CDH3: variants seen among roughly 807,000 people sequenced by gnomAD.
The protein encoded by CDH3 is cadherin 3.
A neutral mutation model predicts 82.0 loss-of-function variants in CDH3; 54 were observed. That is an observed-to-expected ratio of 0.66 (90% CI 0.53 to 0.83). The LOEUF is 0.83. Ranked by LOEUF, CDH3 falls within the 40% of genes least tolerant of loss-of-function variation. The pLI is 0.00. For synonymous variants in CDH3, 446 were observed against 437.9 expected (o/e 1.02, Z -0.23); for missense variants, 1,054 against 1,084.6 (o/e 0.97, Z 0.40).
At position 68,682,392 on chromosome 16, in the gene CDH3, C is replaced by T. The variant is rs74026937; in HGVS notation, c.1087C>T (p.Arg363Cys). The change falls in exon 9 of 16, where the codon CGT becomes TGT. Residue 363 changes from arginine (R) to cysteine (C), a missense_variant. By Grantham distance (180) the Arg-to-Cys change is radical. Coordinates refer to ENST00000264012, the MANE Select transcript of CDH3 (RefSeq NM_001793.6). ...GGACGCCCCCAACTCACCAGCGTGGCGTGCCACCTACCTTATCATGGGCGG... is the reference window on the plus strand; with the variant it reads ...GGACGCCCCCAACTCACCAGCGTGGTGTGCCACCTACCTTATCATGGGCGG... ...DLDAPNSPAW[R>C]ATYLIMGGDD... 4.3e-4 allele frequency: 697 copies of T among 1,614,056 alleles called. 3 individuals are homozygous for T. In the African/African-American group the frequency reaches 7.0e-3, roughly 16 times the overall value.
intron 8 of CDH3, 142 bp downstream of exon 8, chr16:68,681,238 C>A (rs2152101227): frequency 2.5e-6 from 2 of 811,410 alleles, no homozygotes; most frequent in Non-Finnish European, 4.2e-6. Context: ...AACTACCTAA[C>A]CTCTCTGTGC....
At chr16:68,648,466 A>G (rs1413151170) in intron 2 of CDH3, among the ~76,000 whole-genome samples, 1 of 140,604 alleles carries the variant, frequency 7.1e-6, no homozygotes, top group African/African-American at 2.7e-5. Context: ...TTTTTTTTTG[A>G]GATAGGGTAT....
chr16:68,682,941 G>A (rs778724041), intron 9 of CDH3, among the ~76,000 whole-genome samples: 2 of 152,108 alleles, frequency 1.3e-5, no homozygotes, highest in Admixed American at 6.6e-5. Flanking sequence ...GGTATAGGAC[G>A]TGGGTTGGGT....
chr16:68,698,577 G>C lies in CDH3; in HGVS notation c.*177G>C, dbSNP rs535207834. 1 of 621,014 alleles carries C rather than the reference G, an allele frequency of 1.6e-6. No individual in the cohort carries two copies. Among genetic ancestry groups the C allele is most frequent in the African/African-American group, 1.8e-5 (1 of 54,482 alleles). The allele number at this position is 621,014 out of a possible 1,614,324, so 38.5% of individuals were successfully genotyped here. ...GTGGCTTCCTTAGCCTTTCAGGATGGAGGAATGTGGGCAGTTTGACTTCAG... is the reference window on the plus strand; with the variant it reads ...GTGGCTTCCTTAGCCTTTCAGGATGCAGGAATGTGGGCAGTTTGACTTCAG... On this transcript the variant is annotated 3_prime_UTR_variant, in exon 16 of 16. Transcript: ENST00000264012.
rs2296409 is a variant in CDH3, at chr16:68,679,827, G to A, written c.720G>A (p.Thr240=). 0.62 allele frequency: 992,145 copies of A among 1,610,936 alleles called. 307,296 individuals carry two copies. Among genetic ancestry groups the A allele is most frequent in the African/African-American group, 0.67 (50,228 of 74,768 alleles). Residue 240 remains threonine (T), a synonymous_variant, in exon 7 of 16, where the codon ACG becomes ACA. Coordinates refer to ENST00000264012, the MANE Select transcript of CDH3 (RefSeq NM_001793.6). ...CTTCTGTGATGCAGGTGACAGCCAC[G>A]GATGAGGATGATGCCATCTACACCT... ...PGTSVMQVTA[T]DEDDAIYTYN...
intron 2 of CDH3, among the ~76,000 whole-genome samples, chr16:68,646,398 C>T (rs1484917204): frequency 1.3e-5 from 2 of 152,072 alleles, no homozygotes; most frequent in African/African-American, 4.8e-5. Context: ...TGCTAGGTCA[C>T]TGGGGGGAGT....
At position 68,685,326 on chromosome 16, in the gene CDH3, G is replaced by A; in HGVS notation, c.1546G>A (p.Val516Ile). 1.9e-6 allele frequency: 3 copies of A among 1,614,128 alleles called. No individual in the cohort carries two copies. The highest frequency in any genetic ancestry group is 2.5e-6 in the Non-Finnish European group (3 of 1,180,036). The change falls in exon 11 of 16, where the codon GTC (valine) becomes ATC (isoleucine). Residue 516 changes from valine to isoleucine, a missense_variant. Coordinates refer to ENST00000264012, the MANE Select transcript of CDH3 (RefSeq NM_001793.6). ...EQFVRNNIYE[V>I]MVLAMDNGSP... ...GTTTGTGAGGAACAACATCTATGAA[G>A]TCATGGTCTTGGCCATGGACAATGG...
In CDH3 at chr16:68,707,231, C is replaced by T. The variant is rs761418313; in HGVS notation, c.99+11308C>T. Among the ~76,000 whole-genome samples, 1 of 152,110 alleles carries T rather than the reference C, an allele frequency of 6.6e-6. No homozygotes were observed. The highest frequency in any genetic ancestry group is 2.4e-5 in the African/African-American group (1 of 41,428). On this transcript the variant is annotated intron_variant, in intron 1 of 2. Coordinates refer to the CDH3 transcript ENST00000569080. The surrounding 1 kb of genome is among the most constrained non-coding windows in gnomAD (Gnocchi z 4.5). ...GGCCAGTGTGGCTGGAGCAGAGGGA[C>T]GGGTTGAGATGGGTCGAGAGTGTGT...
chr16:68,710,433 G>A (rs929781743), intron 1 of CDH3, among the ~76,000 whole-genome samples: 5 of 152,226 alleles, frequency 3.3e-5, no homozygotes, highest in Non-Finnish European at 5.9e-5. Flanking sequence ...ATTTGTGGTT[G>A]TTACCACTGG....
At chr16:68,701,912 T>C (rs774933702), downstream of CDH3, among the ~76,000 whole-genome samples, 23 of 151,312 alleles carry the variant, frequency 1.5e-4, no homozygotes, top group Non-Finnish European at 2.8e-4. Flanking sequence ...TAGTCCCCGC[T>C]ACTTGGGAGG....
chr16:68,679,002 G>A, intron 6 of CDH3, 96 bp downstream of exon 6: 2 of 1,273,390 alleles, frequency 1.6e-6, no homozygotes, highest in Non-Finnish European at 1.1e-6. Flanking sequence ...CTGTGTATCA[G>A]ATTACTTGGG....
chr16:68,692,041 T>A (rs1597817898), intron 13 of CDH3, 115 bp downstream of exon 13: 2 of 760,032 alleles, frequency 2.6e-6, no homozygotes, highest in East Asian at 2.7e-5. Flanking sequence ...GTCCACTCCT[T>A]AAACATTTTT....
chr16:68,700,342 C>T (rs899113105), downstream of CDH3: 1 of 152,220 alleles, frequency 6.6e-6, no homozygotes, highest in Non-Finnish European at 1.5e-5. Flanking sequence ...GACCCTGAAC[C>T]GGAGTTATCG....
intron 2 of CDH3, among the ~76,000 whole-genome samples, chr16:68,723,908 A>G (rs926908764): frequency 3.9e-5 from 6 of 152,114 alleles, no homozygotes; most frequent in African/African-American, 1.4e-4. Context: ...TCTCTACTAA[A>G]AATACAAAAA....
chr16:68,678,618 AAT>A lies in CDH3; in HGVS notation c.510_511del (p.Asn170LysfsTer12). ...GAAGGAGACAGGCTGGTTGTTGTTG[AAT>A]AAGCCACTGGACCGGGAGGAGATTG... ...VEKETGWLLL[N>X]KPLDREEIAK... On this transcript the variant is annotated frameshift_variant, in exon 5 of 16. Transcript: ENST00000264012. LOFTEE classifies it high-confidence loss of function. The A allele has an allele frequency of 6.2e-7, 1 of 1,614,246 alleles. No homozygotes were observed. The highest frequency in any genetic ancestry group is 8.5e-7 in the Non-Finnish European group (1 of 1,180,046).
chr16:68,657,757 G>A (rs1960444524), intron 2 of CDH3, among the ~76,000 whole-genome samples: 1 of 152,180 alleles, frequency 6.6e-6, no homozygotes. Flanking sequence ...GATGGGGAAT[G>A]GGGAGGTATA....
chr16:68,674,531 G>A (rs1476200893), intron 2 of CDH3, among the ~76,000 whole-genome samples: 1 of 152,156 alleles, frequency 6.6e-6, no homozygotes. Context: ...CCAGGAGTTC[G>A]AGACCAGCTG....
chr16:68,680,831 G>A, intron 7 of CDH3, 137 bp from the exon 8 acceptor site: 1 of 913,388 alleles, frequency 1.1e-6, no homozygotes, highest in Non-Finnish European at 1.8e-6. Flanking sequence ...GGTGAGGGGT[G>A]GTCAAGGAGT....
In CDH3 at chr16:68,698,409, C is replaced by T. The variant is rs1308886373; in HGVS notation, c.*9C>T. 1 of 1,612,736 alleles carries T rather than the reference C, an allele frequency of 6.2e-7. No homozygotes were observed. The highest frequency in any genetic ancestry group is 1.3e-5 in the African/African-American group (1 of 74,906). On this transcript the variant is annotated 3_prime_UTR_variant, in exon 16 of 16. Transcript: ENST00000264012. ...GCGGGGAGGACGACTAGGCGGCCTG[C>T]CTGCAGGGCTGGGGACCAAACGTCA...
Sources: allele counts gnomAD v4.1 joint callset (sites outside exome capture counted in the v4.1 genomes callset), GRCh38; gene constraint gnomAD v4.1.1; non-coding constraint Gnocchi (gnomAD v3.1); transcripts MANE v1.5; gene names NCBI Gene and HGNC (gene_info 2026-07-23, HGNC 2026-07-21).